The following SH3GL3 variants were observed in gnomAD, a reference collection of about 807,000 sequenced individuals.
The protein encoded by SH3GL3 is SH3 domain containing GRB2 like 3, endophilin A3.
In SH3GL3, 33 loss-of-function variants were observed where a neutral mutation model predicts 47.7. The ratio of observed to expected loss-of-function variants is 0.69; its 90% CI spans 0.52 to 0.92. The LOEUF is 0.92. SH3GL3 is among the 40% of genes least tolerant of loss of function. The pLI is 0.00. For synonymous variants in SH3GL3, 155 were observed against 148.8 expected, an observed-to-expected ratio of 1.04 and a Z score of -0.30; for missense variants, 363 against 417.8, an observed-to-expected ratio of 0.87 and a Z score of 1.14.
chr15:83,589,827 C>G (rs1567018252), intron 8 of SH3GL3, among the ~76,000 whole-genome samples: 1 of 152,110 alleles, frequency 6.6e-6, no homozygotes, highest in Non-Finnish European at 1.5e-5. Flanking sequence ...TCTATTATAC[C>G]ATTTCCCTAT....
chr15:83,473,300 G>A (rs2040920492), intron 1 of SH3GL3, among the ~76,000 whole-genome samples: 1 of 152,112 alleles, frequency 6.6e-6, no homozygotes, highest in African/African-American at 2.4e-5. Context: ...CCAGGGGTGA[G>A]GAGGGGAGAG....
At chr15:83,586,360 G>A (rs2059954872) in intron 6 of SH3GL3, among the ~76,000 whole-genome samples, 1 of 152,120 alleles carries the variant, frequency 6.6e-6, no homozygotes, top group Non-Finnish European at 1.5e-5. Flanking sequence ...TGAATGTCTT[G>A]ATTTGTGGGA....
chr15:83,588,419 G>A lies in SH3GL3; in HGVS notation c.729-243G>A, dbSNP rs373986513. On this transcript the variant is annotated intron_variant, in intron 7 of 8. Transcript: ENST00000427482. ...GGGATTACAGGCATGAGCCACCATG[G>A]CTGGCCCAATTAGTCTTCTTCAAGA... is the stretch of plus-strand genomic sequence containing the variant. Among the ~76,000 whole-genome samples the A allele has an allele frequency of 1.4e-4, 22 of 152,262 alleles. No individual in the cohort carries two copies. The East Asian group carries it at 1.5e-3, about 11-fold the overall frequency.
At position 83,618,357 on chromosome 15, in the gene SH3GL3, G is replaced by C; in HGVS notation, c.*70G>C. 1.0e-6 allele frequency: 1 copy of C among 975,266 alleles called. No homozygotes were observed. The highest frequency in any genetic ancestry group is 1.7e-6 in the Non-Finnish European group (1 of 603,082). 60.4% of individuals were successfully genotyped at this position (975,266 alleles called of 1,614,324 possible). ...TTCACACCAGTGTGCTCTCAGTGCG[G>C]TGTTCTGTGACATCCTTTGCTCTCT... On this transcript the variant is annotated 3_prime_UTR_variant, in exon 9 of 9. Coordinates refer to ENST00000427482, the MANE Select transcript of SH3GL3 (RefSeq NM_003027.5).
intron 8 of SH3GL3, among the ~76,000 whole-genome samples, chr15:83,604,158 A>G (rs1333156523): frequency 6.6e-6 from 1 of 152,214 alleles, no homozygotes; most frequent in African/African-American, 2.4e-5. Context: ...AAAGAAAAAA[A>G]AAAAGAAGCT....
At chr15:83,529,842 G>A (rs1342048577) in intron 1 of SH3GL3, among the ~76,000 whole-genome samples, 1 of 152,178 alleles carries the variant, frequency 6.6e-6, no homozygotes, top group Non-Finnish European at 1.5e-5. Context: ...TGGGCAGGGA[G>A]CCTGTCCTCA....
chr15:83,578,345 G>A lies in SH3GL3; in HGVS notation c.624+1604G>A, dbSNP rs188931126. 1.8e-3 allele frequency among the ~76,000 whole-genome samples: 267 copies of A among 152,296 alleles called. 2 individuals carry two copies. Among genetic ancestry groups the A allele is most frequent in the Non-Finnish European group, 4.0e-4 (27 of 68,020 alleles). ...AGGAGCTGTCTCAGCCCCAGCATTA[G>A]TATGGGACCTAATTGTTAAGTTTTT... is the stretch of plus-strand genomic sequence containing the variant. On this transcript the variant is annotated intron_variant, in intron 6 of 8. Transcript: ENST00000427482.
chr15:83,470,894 T>C (rs910369912), intron 1 of SH3GL3, among the ~76,000 whole-genome samples: 1 of 152,136 alleles, frequency 6.6e-6, no homozygotes, highest in Admixed American at 6.5e-5. Flanking sequence ...TCAAGTGAAG[T>C]GTAGAAAACT....
intron 1 of SH3GL3, among the ~76,000 whole-genome samples, chr15:83,533,797 T>C (rs1483763304): frequency 6.6e-6 from 1 of 152,182 alleles, no homozygotes; most frequent in Non-Finnish European, 1.5e-5. Flanking sequence ...ATGGCTTTGA[T>C]CTCTCTGGTC....
chr15:83,485,384 G>A (rs924892387), intron 1 of SH3GL3, among the ~76,000 whole-genome samples: 1 of 152,116 alleles, frequency 6.6e-6, no homozygotes, highest in African/African-American at 2.4e-5. Flanking sequence ...TCTTTGCGAT[G>A]ATTTTTGTTT....
intron 1 of SH3GL3, among the ~76,000 whole-genome samples, chr15:83,540,236 G>C (rs1179820279): frequency 1.3e-5 from 2 of 151,984 alleles, no homozygotes; most frequent in African/African-American, 4.8e-5. Flanking sequence ...GGTCTATTTT[G>C]GTAAATGTTC....
the SH3GL3 span, among the ~76,000 whole-genome samples, chr15:83,629,106 A>G: frequency 6.6e-6 from 1 of 152,332 alleles, no homozygotes; most frequent in East Asian, 1.9e-4. Flanking sequence ...ATAAAGACCT[A>G]AATAAATGGA....
intron 1 of SH3GL3, among the ~76,000 whole-genome samples, chr15:83,521,803 T>G (rs555489403): frequency 6.6e-6 from 1 of 152,248 alleles, no homozygotes; most frequent in South Asian, 2.1e-4. Flanking sequence ...GTGGGTCAGT[T>G]GGGAATTAAT....
At chr15:83,477,760 T>G (rs1185080624) in intron 1 of SH3GL3, among the ~76,000 whole-genome samples, 2 of 152,282 alleles carry the variant, frequency 1.3e-5, no homozygotes, top group African/African-American at 2.4e-5. Flanking sequence ...CTTAGGAGAC[T>G]TAGAGGGGGT....
intron 1 of SH3GL3, among the ~76,000 whole-genome samples, chr15:83,463,389 A>C (rs1025626409): frequency 6.6e-6 from 1 of 151,924 alleles, no homozygotes; most frequent in Non-Finnish European, 1.5e-5. Flanking sequence ...ACATGAGCTT[A>C]TCCTTTTTGT....
At chr15:83,489,627 T>C (rs950772136) in intron 1 of SH3GL3, among the ~76,000 whole-genome samples, 7 of 152,254 alleles carry the variant, frequency 4.6e-5, no homozygotes, top group African/African-American at 7.2e-5. Context: ...ACAGTGCTTT[T>C]GGATTTCAGC....
At chr15:83,471,756 TC>T (rs2040839961) in intron 1 of SH3GL3, among the ~76,000 whole-genome samples, 1 of 152,236 alleles carries the variant, frequency 6.6e-6, no homozygotes, top group Admixed American at 6.5e-5. Flanking sequence ...TGGTGAGAAA[TC>T]TGCTGTAATT....
At chr15:83,480,439 T>G (rs535407554) in intron 1 of SH3GL3, among the ~76,000 whole-genome samples, 1 of 152,338 alleles carries the variant, frequency 6.6e-6, no homozygotes, top group South Asian at 2.1e-4. Flanking sequence ...AACTGAGGCA[T>G]GCAGACATTA....
At chr15:83,459,769 G>A (rs909549091) in intron 1 of SH3GL3, among the ~76,000 whole-genome samples, 1 of 152,080 alleles carries the variant, frequency 6.6e-6, no homozygotes, top group African/African-American at 2.4e-5. Context: ...GCTTTCCAGA[G>A]TCATATCTCA....
Sources: gnomAD v4.1 joint callset for allele counts (sites outside exome capture counted in the v4.1 genomes callset) on GRCh38, gnomAD v4.1.1 for gene constraint, MANE v1.5 for transcripts, NCBI Gene and HGNC (gene_info 2026-07-23, HGNC 2026-07-21) for gene names.